Variants in DDR2 observed in about 807,000 individuals in gnomAD.
DDR2 encodes discoidin domain-containing receptor 2.
DDR2 carries 27 observed loss-of-function variants against 94.9 expected under a neutral mutation model. That is an observed-to-expected ratio of 0.28 (90% CI 0.21 to 0.39). The LOEUF is 0.39. DDR2 is among the 10% of genes least tolerant of loss of function. DDR2 has a pLI of 1.00. For missense variants in DDR2, 783 were observed against 1,076.0 expected (o/e 0.73, Z 3.81); for synonymous variants, 382 against 377.2 (o/e 1.01, Z -0.15).
At chr1:162,631,979 C>G (rs1231740145), upstream of DDR2, 1 of 151,748 alleles carries the variant, frequency 6.6e-6, no homozygotes, top group African/African-American at 2.4e-5. Context: ...GAGCTCAGCT[C>G]TAGGCTTTCA....
chr1:162,752,143 T>TA (rs1054572003), intron 3 of DDR2, among the ~76,000 whole-genome samples: 106 of 118,814 alleles, frequency 8.9e-4, no homozygotes, highest in Middle Eastern at 4.0e-3. Context: ...TAAAGTATAA[T>TA]AAAAAAAAAA....
At position 162,777,457 on chromosome 1, in the gene DDR2, T is replaced by A. The variant is rs1382102684; in HGVS notation, c.2283+1087T>A. ...AGTACTTTCCAATTTCCTGCTATTA[T>A]GAATGATGCTGTGATGTACACCAGT... On this transcript the variant is annotated intron_variant, in intron 16 of 17. Transcript: ENST00000367921. 4.7e-5 allele frequency among the ~76,000 whole-genome samples: 5 copies of A among 105,748 alleles called. No individual in the cohort carries two copies. The East Asian group carries it at 1.4e-3, about 30-fold the overall frequency. The allele number at this position is 105,748 out of a possible 152,430, so 69.4% of individuals were successfully genotyped here.
chr1:162,652,386 T>C (rs1359127793), intron 1 of DDR2, among the ~76,000 whole-genome samples: 1 of 152,172 alleles, frequency 6.6e-6, no homozygotes, highest in East Asian at 1.9e-4. Flanking sequence ...GGGAGGAATG[T>C]AGGAAAGCAG....
intron 2 of DDR2, among the ~76,000 whole-genome samples, chr1:162,690,695 T>G (rs1047442414): frequency 1.3e-5 from 2 of 152,108 alleles, no homozygotes; most frequent in Non-Finnish European, 2.9e-5. Flanking sequence ...TTATTTGAAA[T>G]TTCTGAGTAA....
rs116154131 is a variant in DDR2, at chr1:162,644,571, C to T, written c.-191-10640C>T. ...AGGGTTAGATGAAAGTGGTGACAAACGATTGAGATATCTAGATCCACATTA... is the reference window on the plus strand; with the variant it reads ...AGGGTTAGATGAAAGTGGTGACAAATGATTGAGATATCTAGATCCACATTA... On this transcript the variant is annotated intron_variant, in intron 1 of 17. Transcript: ENST00000367921. Among the ~76,000 whole-genome samples the T allele has an allele frequency of 4.2e-3, 639 of 151,072 alleles. 5 individuals are homozygous for T. Among genetic ancestry groups the T allele is most frequent in the African/African-American group, 0.014 (575 of 41,166 alleles).
chr1:162,727,249 A>G (rs1335321317), intron 3 of DDR2, among the ~76,000 whole-genome samples: 1 of 105,508 alleles, frequency 9.5e-6, no homozygotes, highest in Middle Eastern at 6.5e-3. Flanking sequence ...ATAAACATAT[A>G]TTTATATTTT....
chr1:162,642,790 G>C (rs1571134829), intron 1 of DDR2, among the ~76,000 whole-genome samples: 1 of 152,066 alleles, frequency 6.6e-6, no homozygotes, highest in Non-Finnish European at 1.5e-5. Flanking sequence ...CTCTCTCACT[G>C]AGTGTTCTCT....
intron 2 of DDR2, among the ~76,000 whole-genome samples, chr1:162,700,432 C>T (rs1660379245): frequency 6.6e-6 from 1 of 152,174 alleles, no homozygotes; most frequent in East Asian, 1.9e-4. Context: ...TCATGCAACT[C>T]ATTTGCATGC....
intron 13 of DDR2, 139 bp downstream of exon 13, chr1:162,772,386 G>T (rs1248878051): frequency 9.6e-6 from 9 of 942,118 alleles, no homozygotes; most frequent in Non-Finnish European, 1.5e-5. Flanking sequence ...TTGTCCTCTG[G>T]ATTTCAGTAT....
At chr1:162,691,366 A>C (rs1053128814) in intron 2 of DDR2, among the ~76,000 whole-genome samples, 1 of 152,070 alleles carries the variant, frequency 6.6e-6, no homozygotes, top group African/African-American at 2.4e-5. Context: ...TGCCCTTGAA[A>C]ACTCTCAGGG....
chr1:162,783,591 T>C lies in DDR2; in HGVS notation c.*3345T>C, dbSNP rs1443149068. 1 of 152,080 alleles carries C rather than the reference T, an allele frequency of 6.6e-6. No individual in the cohort carries two copies. Among genetic ancestry groups the C allele is most frequent in the Admixed American group, 6.6e-5 (1 of 15,264 alleles). The allele number at this position is 152,080 out of a possible 1,614,324, so 9.4% of individuals were successfully genotyped here. On this transcript the variant is annotated 3_prime_UTR_variant, in exon 18 of 18. Coordinates refer to ENST00000367921, the MANE Select transcript of DDR2 (RefSeq NM_006182.4). ...AACAAGAAGGAGTTTTGAAAGGGAATAGGAAAGTAAGTGTCTTGAAGTAAA... is the reference window on the plus strand; with the variant it reads ...AACAAGAAGGAGTTTTGAAAGGGAACAGGAAAGTAAGTGTCTTGAAGTAAA...
intron 3 of DDR2, among the ~76,000 whole-genome samples, chr1:162,752,466 T>A (rs2102125882): frequency 6.6e-6 from 1 of 152,358 alleles, no homozygotes; most frequent in East Asian, 1.9e-4. Context: ...ATTTTTCATA[T>A]ATTTTGTCCT....
chr1:162,652,817 A>C (rs1392248141), intron 1 of DDR2, among the ~76,000 whole-genome samples: 1 of 152,192 alleles, frequency 6.6e-6, no homozygotes, highest in Non-Finnish European at 1.5e-5. Flanking sequence ...AACTTTTAGC[A>C]TTTGTGGCCA....
intron 11 of DDR2, among the ~76,000 whole-genome samples, chr1:162,768,674 C>T (rs1391650315): frequency 6.6e-6 from 1 of 152,136 alleles, no homozygotes; most frequent in South Asian, 2.1e-4. Context: ...TCTGTGCCAC[C>T]CTCAGGTTCC....
intron 1 of DDR2, among the ~76,000 whole-genome samples, chr1:162,646,369 A>T (rs1657406724): frequency 2.0e-5 from 3 of 152,208 alleles, no homozygotes; most frequent in African/African-American, 7.2e-5. Flanking sequence ...TAAAAATGAC[A>T]ATTGTGAGGA....
At chr1:162,713,740 T>C (rs1034442500) in intron 2 of DDR2, among the ~76,000 whole-genome samples, 2 of 55,142 alleles carry the variant, frequency 3.6e-5, no homozygotes, top group African/African-American at 7.3e-5. Flanking sequence ...TTAATAACAT[T>C]ATCCTACTGG....
At chr1:162,753,697 A>G (rs1208163834) in intron 4 of DDR2, among the ~76,000 whole-genome samples, 5 of 152,180 alleles carry the variant, frequency 3.3e-5, no homozygotes, top group Admixed American at 6.5e-5. Flanking sequence ...CTTACACAGA[A>G]GGGCCATCCT....
rs957131243 is a variant in DDR2 at position 162,655,370 on chromosome 1, T to C, written c.-32T>C. ...CTCCACAGAGAATGCTCTGCACCCG[T>C]TGATGTAAGTAGGTCCAGTCACTGA... On this transcript the variant is annotated 5_prime_UTR_variant, in exon 2 of 18. Coordinates refer to ENST00000367921, the MANE Select transcript of DDR2 (RefSeq NM_006182.4). 1.3e-5 allele frequency: 2 copies of C among 152,166 alleles called. No homozygotes were observed. Among genetic ancestry groups the C allele is most frequent in the Admixed American group, 1.3e-4 (2 of 15,270 alleles). The allele number at this position is 152,166 out of a possible 1,614,324, so 9.4% of individuals were successfully genotyped here. A position where few individuals can be genotyped will look rare whatever the true frequency, so the allele number is the denominator to read the frequency against.
chr1:162,717,688 T>C (rs1036518589), intron 2 of DDR2, among the ~76,000 whole-genome samples: 21 of 152,200 alleles, frequency 1.4e-4, no homozygotes, highest in Non-Finnish European at 2.6e-4. Context: ...CTGAGACTTT[T>C]CTGGTGATTT....
Sources: gnomAD v4.1 joint callset for allele counts (sites outside exome capture counted in the v4.1 genomes callset) on GRCh38, gnomAD v4.1.1 for gene constraint, MANE v1.5 for transcripts, NCBI Gene and HGNC (gene_info 2026-07-23, HGNC 2026-07-21) for gene names.